STEAP1B: variants seen among roughly 807,000 people sequenced by gnomAD.
STEAP1B encodes the protein STEAP family member 1B.
STEAP1B carries 13 observed loss-of-function variants against 27.9 expected under a neutral mutation model. That is an observed-to-expected ratio of 0.47 (90% CI 0.30 to 0.74). The LOEUF (loss-of-function observed/expected upper bound fraction) is 0.74. STEAP1B is among the 30% of genes least tolerant of loss of function. The probability of loss-of-function intolerance (pLI) is 0.06; values close to 1 mark genes in which losing one functional copy is unlikely to be tolerated. For missense variants in STEAP1B, 250 were observed against 298.7 expected (o/e 0.84, Z 1.20); for synonymous variants, 86 against 107.1 (o/e 0.80, Z 1.22).
At chr7:22,461,038 C>A (rs145211921) in intron 4 of STEAP1B, among the ~76,000 whole-genome samples, 3 of 152,282 alleles carry the variant, frequency 2.0e-5, no homozygotes, top group African/African-American at 7.2e-5. Context: ...TGAAAAACTG[C>A]CGCTTTCCTG....
At chr7:22,449,052 A>C (rs1223040483) in intron 4 of STEAP1B, among the ~76,000 whole-genome samples, 1 of 152,198 alleles carries the variant, frequency 6.6e-6, no homozygotes, top group African/African-American at 2.4e-5. Context: ...AGTACATGAG[A>C]TGTTTTGATA....
chr7:22,498,243 G>A (rs572472702), intron 1 of STEAP1B, among the ~76,000 whole-genome samples: 1 of 127,264 alleles, frequency 7.9e-6, no homozygotes. Flanking sequence ...CAGCACCAAG[G>A]GGGGATGGTG....
At chr7:22,421,555 C>G (rs758001295) in intron 4 of STEAP1B, among the ~76,000 whole-genome samples, 2 of 152,216 alleles carry the variant, frequency 1.3e-5, no homozygotes, top group African/African-American at 4.8e-5. Flanking sequence ...TCCCTGTTGC[C>G]TGCAGGCACA....
intron 4 of STEAP1B, among the ~76,000 whole-genome samples, chr7:22,481,494 C>T (rs1287297562): frequency 1.3e-5 from 2 of 152,192 alleles, no homozygotes; most frequent in East Asian, 3.8e-4. Context: ...GGTATTGATG[C>T]CTGGCATCAC....
chr7:22,465,745 G>A (rs1785767097), intron 4 of STEAP1B, among the ~76,000 whole-genome samples: 1 of 152,152 alleles, frequency 6.6e-6, no homozygotes, highest in Middle Eastern at 3.2e-3. Flanking sequence ...ATATGGGGGA[G>A]ACAGTCCAGT....
intron 4 of STEAP1B, among the ~76,000 whole-genome samples, chr7:22,449,157 T>A (rs1313677134): frequency 1.3e-5 from 2 of 152,228 alleles, no homozygotes; most frequent in Admixed American, 6.5e-5. Flanking sequence ...TTACACTCTT[T>A]CAGATTTTTT....
chr7:22,494,978 C>G, intron 1 of STEAP1B, 92 bp from the exon 2 acceptor site: 1 of 602,532 alleles, frequency 1.7e-6, no homozygotes, highest in Non-Finnish European at 2.7e-6. Flanking sequence ...TGCTTAAAGA[C>G]TAGAATGGCA....
chr7:22,436,961 T>G (rs1337275053), intron 4 of STEAP1B, among the ~76,000 whole-genome samples: 1 of 152,156 alleles, frequency 6.6e-6, no homozygotes, highest in African/African-American at 2.4e-5. Flanking sequence ...GATTTCATGA[T>G]GAAGACAACA....
At chr7:22,464,622 T>C (rs935250550) in intron 4 of STEAP1B, among the ~76,000 whole-genome samples, 2 of 151,872 alleles carry the variant, frequency 1.3e-5, no homozygotes, top group African/African-American at 4.8e-5. Context: ...TCCAATCTGA[T>C]TGGTGTCCTT....
chr7:22,433,579 T>C (rs1246879420), intron 4 of STEAP1B, among the ~76,000 whole-genome samples: 2 of 152,006 alleles, frequency 1.3e-5, no homozygotes, highest in African/African-American at 4.8e-5. Flanking sequence ...GAGATCTATG[T>C]AGGAAAGGGG....
At chr7:22,422,412 T>C (rs760665467) in intron 4 of STEAP1B, among the ~76,000 whole-genome samples, 2 of 152,152 alleles carry the variant, frequency 1.3e-5, no homozygotes, top group Non-Finnish European at 1.5e-5. Flanking sequence ...TCTAAAAGAA[T>C]AGTTCCCCAA....
intron 4 of STEAP1B, among the ~76,000 whole-genome samples, chr7:22,454,470 G>T (rs980670568): frequency 1.3e-5 from 2 of 152,110 alleles, no homozygotes; most frequent in African/African-American, 2.4e-5. Flanking sequence ...GGGCATTGTT[G>T]TACCTGAGAC....
At chr7:22,440,958 A>G (rs552625365) in intron 4 of STEAP1B, among the ~76,000 whole-genome samples, 1 of 150,346 alleles carries the variant, frequency 6.7e-6, no homozygotes, top group South Asian at 2.1e-4. Context: ...GAATATTAAA[A>G]TATATGTTAA....
intron 4 of STEAP1B, among the ~76,000 whole-genome samples, chr7:22,453,975 G>C (rs1406159386): frequency 6.6e-6 from 1 of 152,186 alleles, no homozygotes. Context: ...CTAGTTTGGG[G>C]CTATTATGAA....
Position 22,500,130 on chromosome 7 carries a change from C to G in STEAP1B, c.-48G>C, listed in dbSNP as rs1786511637. ...GGGACTCACCCACTCCTCGCCGTAG[C>G]TTGACCGTGAGTCTCAGCTGCCGCT... is the stretch of plus-strand genomic sequence containing the variant. On this transcript the variant is annotated 5_prime_UTR_variant, in exon 1 of 5. Coordinates refer to ENST00000678116, the MANE Select transcript of STEAP1B (RefSeq NM_001382447.1). 6.5e-6 allele frequency: 1 copy of G among 153,630 alleles called. No homozygotes were observed. The highest frequency in any genetic ancestry group is 2.1e-4 in the South Asian group (1 of 4,878). The allele number at this position is 153,630 out of a possible 1,614,324, so 9.5% of individuals were successfully genotyped here.
chr7:22,487,399 C>A (rs373066173), intron 4 of STEAP1B, among the ~76,000 whole-genome samples: 1 of 152,134 alleles, frequency 6.6e-6, no homozygotes, highest in Non-Finnish European at 1.5e-5. Context: ...GATCACAGGT[C>A]TAACCCTAAT....
At position 22,492,609 on chromosome 7, in the gene STEAP1B, A is replaced by G. The variant is rs748717100; in HGVS notation, c.718T>C (p.Ser240Pro). ...LALLAVTSIP[S>P]VSDSLTWREF... ...CTCCATGTCAAAGAGTCACTCACAG[A>G]TGGAATAGATGTCACAGCCAACAGA... The change falls in exon 4 of 5, where the codon TCT (serine) becomes CCT (proline). Residue 240 changes from serine to proline, a missense_variant. Ser to Pro is a moderately conservative substitution (Grantham distance 74). Coordinates refer to ENST00000678116, the MANE Select transcript of STEAP1B (RefSeq NM_001382447.1). 1 of 1,613,046 alleles carries G rather than the reference A, an allele frequency of 6.2e-7. No individual in the cohort carries two copies. The highest frequency in any genetic ancestry group is 8.5e-7 in the Non-Finnish European group (1 of 1,179,568).
chr7:22,455,410 A>G (rs1183108885), intron 4 of STEAP1B, among the ~76,000 whole-genome samples: 5 of 152,258 alleles, frequency 3.3e-5, no homozygotes, highest in African/African-American at 1.2e-4. Flanking sequence ...AGTTTTTCTA[A>G]TTTTAGACAT....
chr7:22,422,625 C>T (rs1377726329), intron 4 of STEAP1B, among the ~76,000 whole-genome samples: 3 of 152,078 alleles, frequency 2.0e-5, no homozygotes, highest in African/African-American at 7.2e-5. Context: ...TCCCGAGTAG[C>T]CGGGATTACA....
Sources: allele counts gnomAD v4.1 joint callset (sites outside exome capture counted in the v4.1 genomes callset), GRCh38; gene constraint gnomAD v4.1.1; transcripts MANE v1.5; gene names NCBI Gene and HGNC (gene_info 2026-07-23, HGNC 2026-07-21).